Variants in SYCP2 observed in about 807,000 individuals in gnomAD.
SYCP2 encodes the protein synaptonemal complex protein 2, also known as synaptonemal complex lateral element protein.
In SYCP2, 55 loss-of-function variants were observed where a neutral mutation model predicts 211.3. The observed-to-expected ratio is 0.26, with a 90% CI of 0.21 to 0.33. The LOEUF is 0.33. Ranked by LOEUF, SYCP2 falls within the 10% of genes least tolerant of loss-of-function variation. The pLI, the probability that SYCP2 is intolerant of heterozygous loss-of-function variation, is 1.00. For synonymous variants in SYCP2, 570 were observed against 555.2 expected (o/e 1.03, Z -0.37); for missense variants, 1,731 against 1,752.0 (o/e 0.99, Z 0.21).
Position 59,866,552 on chromosome 20 carries a change from G to A in SYCP2, c.4163C>T (p.Ser1388Phe). 6 of 1,605,890 alleles carry A rather than the reference G, an allele frequency of 3.7e-6. No individual in the cohort carries two copies. Among genetic ancestry groups the A allele is most frequent in the Non-Finnish European group, 5.1e-6 (6 of 1,176,940 alleles). Reference protein sequence around the residue: ...HKMLSYFTTQSWKTAQQHLRT... With the variant: ...HKMLSYFTTQFWKTAQQHLRT... ...CAGATGTTGCTGAGCTGTTTTCCAA[G>A]ACTGCGTAGTAAAATAACTCAACAT... The change falls in exon 40 of 45, where the codon TCT becomes TTT. Residue 1388 changes from serine to phenylalanine, a missense_variant. Ser to Phe is a radical substitution (Grantham distance 155, BLOSUM62 -2). Around this residue, in one of 3 missense-constraint regions of SYCP2, gnomAD observed 1,387 missense variants for 1,351.3 expected, o/e 1.03. Coordinates refer to ENST00000357552, the MANE Select transcript of SYCP2 (RefSeq NM_014258.4).
chr20:59,902,730 A>G (rs189428210), intron 15 of SYCP2, among the ~76,000 whole-genome samples: 1 of 152,266 alleles, frequency 6.6e-6, no homozygotes, highest in African/African-American at 2.4e-5. Context: ...TATGCTCATA[A>G]AACTTTCACA....
Position 59,886,851 on chromosome 20 carries a change from G to C in SYCP2, c.2365-17C>G. On this transcript the variant is annotated splice_polypyrimidine_tract_variant and intron_variant, in intron 24 of 44. Transcript: ENST00000357552. ...CTTTTCTCTCTGAAAAAAATTGTAA[G>C]TTACTTTTAAACTCTACCAGTTAAT... The C allele has an allele frequency of 6.4e-7, 1 of 1,553,218 alleles. No homozygotes were observed.
chr20:59,927,640 C>G (rs920076909), intron 2 of SYCP2, among the ~76,000 whole-genome samples: 7 of 152,058 alleles, frequency 4.6e-5, no homozygotes, highest in African/African-American at 1.7e-4. Context: ...ATTAAGTGAA[C>G]AAAAAGCTAG....
intron 26 of SYCP2, among the ~76,000 whole-genome samples, chr20:59,885,432 CAG>C (rs1410628637): frequency 6.6e-6 from 1 of 152,028 alleles, no homozygotes; most frequent in Non-Finnish European, 1.5e-5. Context: ...TTGGCCTCGA[CAG>C]GGGAGAAAAC....
In SYCP2 at chr20:59,885,928, C is replaced by A; in HGVS notation, c.2529G>T (p.Lys843Asn). 6.3e-7 allele frequency: 1 copy of A among 1,598,504 alleles called. No homozygotes were observed. The highest frequency in any genetic ancestry group is 1.1e-5 in the South Asian group (1 of 88,110). ...GTGAAGTTAAGTAAATAACACCTAC[C>A]TTACTGAGTTGTACAACAGGTTTGT... ...FSNKPVVQLSKEKVQKKSYRK... is the reference protein window; with the variant it reads ...FSNKPVVQLSNEKVQKKSYRK... Residue 843 changes from lysine (K) to asparagine (N), a missense_variant and splice_region_variant, in exon 26 of 45, where the codon AAG (lysine) becomes AAT (asparagine). Lys to Asn is a moderately conservative substitution (Grantham distance 94). Transcript: ENST00000357552.
Position 59,876,561 on chromosome 20 carries a change from T to TCA in SYCP2, c.3150+823_3150+824insTG, listed in dbSNP as rs1452868177. ...GAAACCTATCTTCAGTGCCAGACTC[T>TCA]CTGGTTTCAAATCCTAGACCTACCA... On this transcript the variant is annotated intron_variant, in intron 33 of 44. Coordinates refer to ENST00000357552, the MANE Select transcript of SYCP2 (RefSeq NM_014258.4). Among the ~76,000 whole-genome samples the TCA allele has an allele frequency of 1.0e-3, 159 of 151,866 alleles. 1 individual carries two copies. The highest frequency in any genetic ancestry group is 6.2e-4 in the South Asian group (3 of 4,816).
chr20:59,897,296 GAT>G (rs2060028575), intron 18 of SYCP2, among the ~76,000 whole-genome samples: 1 of 152,076 alleles, frequency 6.6e-6, no homozygotes, highest in Non-Finnish European at 1.5e-5. Flanking sequence ...GGATGGAAAG[GAT>G]AAGATAAAAG....
chr20:59,930,332 T>C (rs968378655), intron 2 of SYCP2, among the ~76,000 whole-genome samples: 2 of 152,216 alleles, frequency 1.3e-5, no homozygotes, highest in African/African-American at 2.4e-5. Context: ...AGGTTTCAGA[T>C]TGTGCTAATG....
At chr20:59,905,324 AG>A (rs1336433680) in intron 15 of SYCP2, among the ~76,000 whole-genome samples, 1 of 152,218 alleles carries the variant, frequency 6.6e-6, no homozygotes, top group Non-Finnish European at 1.5e-5. Flanking sequence ...TATTTACAGC[AG>A]CATTTCATAA....
Position 59,892,056 on chromosome 20 carries a change from A to G in SYCP2, c.2298T>C (p.Ser766=), listed in dbSNP as rs746996204. Residue 766 remains serine, a synonymous_variant, in exon 24 of 45, where the codon AGT becomes AGC. Transcript: ENST00000357552. ...KNPSASKNVQ[S]HRKAEKELTS... ...TCAATTCTTTCTCTGCTTTTCTATG[A>G]CTTTGCACATTTTTGCTAGCAGATG... 2 of 1,611,168 alleles carry G rather than the reference A, an allele frequency of 1.2e-6. No individual in the cohort carries two copies. Among genetic ancestry groups the G allele is most frequent in the Non-Finnish European group, 1.7e-6 (2 of 1,178,700 alleles).
At position 59,893,001 on chromosome 20, in the gene SYCP2, TC is replaced by T. The variant is rs1259564932; in HGVS notation, c.1793+140del. 55 of 660,628 alleles carry T rather than the reference TC, an allele frequency of 8.3e-5. No homozygotes were observed. In the East Asian group the frequency reaches 1.4e-3, roughly 17 times the overall value. The allele number at this position is 660,628 out of a possible 1,614,324, so 40.9% of individuals were successfully genotyped here. ...ATGGGGAAAAAACCATATACATAAT[TC>T]CCCATTGTGCTGTCATAACACTTGA... On this transcript the variant is annotated intron_variant, in intron 22 of 44. Coordinates refer to ENST00000357552, the MANE Select transcript of SYCP2 (RefSeq NM_014258.4).
At chr20:59,925,884 G>A (rs2060626173) in intron 2 of SYCP2, among the ~76,000 whole-genome samples, 1 of 151,976 alleles carries the variant, frequency 6.6e-6, no homozygotes, top group Non-Finnish European at 1.5e-5. Context: ...AAGTGAAGCA[G>A]AACAATACTG....
rs1427362868 is a variant in SYCP2, at chr20:59,912,354, T to A, written c.876+19A>T. On this transcript the variant is annotated intron_variant, in intron 13 of 44. Coordinates refer to ENST00000357552, the MANE Select transcript of SYCP2 (RefSeq NM_014258.4). ...AATTCATGCAATAACTAAAATAATGTGTTAAATTAAAATTTTACCTCATAT... is the reference window on the plus strand; with the variant it reads ...AATTCATGCAATAACTAAAATAATGAGTTAAATTAAAATTTTACCTCATAT... 2 of 923,260 alleles carry A rather than the reference T, an allele frequency of 2.2e-6. No homozygotes were observed. The highest frequency in any genetic ancestry group is 1.5e-5 in the South Asian group (1 of 65,050). 57.2% of individuals were successfully genotyped at this position (923,260 alleles called of 1,614,324 possible).
intron 20 of SYCP2, among the ~76,000 whole-genome samples, chr20:59,894,336 G>A (rs2059966555): frequency 6.6e-6 from 1 of 151,946 alleles, no homozygotes; most frequent in Non-Finnish European, 1.5e-5. Flanking sequence ...ATCCTAGCTA[G>A]GATGCTTATC....
intron 26 of SYCP2, among the ~76,000 whole-genome samples, chr20:59,883,982 A>G (rs1337530596): frequency 6.6e-6 from 1 of 152,096 alleles, no homozygotes; most frequent in African/African-American, 2.4e-5. Context: ...ATCATGTTAT[A>G]CACCTTAAAT....
At chr20:59,868,787 T>G (rs2059397469) in intron 37 of SYCP2, 48 bp downstream of exon 37, 4 of 1,474,974 alleles carry the variant, frequency 2.7e-6, no homozygotes, top group Non-Finnish European at 3.7e-6. Context: ...AAATGTCACG[T>G]AGCATTTCAG....
intron 2 of SYCP2, among the ~76,000 whole-genome samples, chr20:59,928,506 G>A (rs2060674747): frequency 1.3e-5 from 2 of 152,132 alleles, no homozygotes; most frequent in African/African-American, 4.8e-5. Context: ...GAATAATGCT[G>A]CTCTAATACT....
intron 2 of SYCP2, among the ~76,000 whole-genome samples, chr20:59,929,500 T>G (rs1296492335): frequency 6.6e-6 from 1 of 152,100 alleles, no homozygotes; most frequent in Non-Finnish European, 1.5e-5. Flanking sequence ...CCTCTGTCAG[T>G]GTGTTGGGTG....
intron 2 of SYCP2, among the ~76,000 whole-genome samples, chr20:59,924,771 AAACTAT>A (rs2060604355): frequency 6.6e-6 from 1 of 152,034 alleles, no homozygotes. Flanking sequence ...AAAGCTAATA[AAACTAT>A]ATTACTGTTG....
Sources: allele counts gnomAD v4.1 joint callset (sites outside exome capture counted in the v4.1 genomes callset), GRCh38; gene constraint gnomAD v4.1.1; regional missense constraint gnomAD v4.1.1; transcripts MANE v1.5; gene names NCBI Gene and HGNC (gene_info 2026-07-23, HGNC 2026-07-21).